CSMD1: variants seen among roughly 807,000 people sequenced by gnomAD.
CSMD1 encodes CUB and sushi domain-containing protein 1.
In CSMD1, 213 loss-of-function variants were observed where a neutral mutation model predicts 417.5. The ratio of observed to expected loss-of-function variants is 0.51; its 90% CI spans 0.46 to 0.57. The LOEUF (loss-of-function observed/expected upper bound fraction) is 0.57, where lower values mean the gene tolerates loss of function less well. CSMD1 is among the 20% of genes least tolerant of loss of function. The pLI is 0.00. For synonymous variants in CSMD1, 2,862 were observed against 1,736.8 expected (o/e 1.65, Z -16.11); for missense variants, 6,923 against 4,529.7 (o/e 1.53, Z -15.17).
At position 4,601,798 on chromosome 8, in the gene CSMD1, T is replaced by G. The variant is rs141475869; in HGVS notation, c.302+35544A>C. ...TGACCAAATGAAAAGTGAGTAAACT[T>G]GATTTATCCATGTCTGAGCATGTCT... On this transcript the variant is annotated intron_variant, in intron 2 of 69. Coordinates refer to ENST00000635120, the MANE Select transcript of CSMD1 (RefSeq NM_033225.6). 6.0e-3 allele frequency among the ~76,000 whole-genome samples: 918 copies of G among 152,250 alleles called. 9 individuals are homozygous for G. The highest frequency in any genetic ancestry group is 0.021 in the African/African-American group (873 of 41,558).
At chr8:4,682,233 T>C (rs1306829382) in intron 1 of CSMD1, among the ~76,000 whole-genome samples, 3 of 152,106 alleles carry the variant, frequency 2.0e-5, no homozygotes, top group Non-Finnish European at 4.4e-5. Context: ...TTTCACTATG[T>C]TGCCCAGGCT....
chr8:3,844,882 C>T (rs1393640019), intron 5 of CSMD1, among the ~76,000 whole-genome samples: 1 of 152,046 alleles, frequency 6.6e-6, no homozygotes, highest in Admixed American at 6.6e-5. Flanking sequence ...AAAGTTTTTT[C>T]TAAAATTCTT....
intron 7 of CSMD1, among the ~76,000 whole-genome samples, chr8:3,630,521 C>T (rs564887610): frequency 2.0e-5 from 3 of 152,148 alleles, no homozygotes; most frequent in Non-Finnish European, 4.4e-5. Context: ...AACAGTTCAT[C>T]GTCGCTACTC....
At chr8:4,130,445 T>C (rs535489329) in intron 3 of CSMD1, among the ~76,000 whole-genome samples, 3 of 152,152 alleles carry the variant, frequency 2.0e-5, no homozygotes, top group Non-Finnish European at 2.9e-5. Flanking sequence ...AGTGCAAAAA[T>C]TTCTGGTTCT....
intron 5 of CSMD1, among the ~76,000 whole-genome samples, chr8:3,865,696 G>A (rs576860032): frequency 6.6e-6 from 1 of 152,204 alleles, no homozygotes; most frequent in Non-Finnish European, 1.5e-5. Flanking sequence ...AGGTTCCAAC[G>A]GAGCAGTAAA....
At chr8:4,465,539 CTCTCAGAATGGAAG>C (rs1800114200) in intron 2 of CSMD1, among the ~76,000 whole-genome samples, 1 of 152,172 alleles carries the variant, frequency 6.6e-6, no homozygotes, top group African/African-American at 2.4e-5. Context: ...TACAACTCCA[CTCTCAGAATGGAAG>C]TCAAGTAAAG....
At chr8:3,469,099 G>A (rs1816941782) in intron 11 of CSMD1, 1 of 281,862 alleles carries the variant, frequency 3.5e-6, no homozygotes, top group Non-Finnish European at 6.7e-6. Context: ...CCATTTTCCT[G>A]GAACCGAGAG....
chr8:3,449,058 T>C (rs1406949415), intron 12 of CSMD1, among the ~76,000 whole-genome samples: 1 of 152,268 alleles, frequency 6.6e-6, no homozygotes, highest in African/African-American at 2.4e-5. Flanking sequence ...TGGGAAAGGA[T>C]CACATGAAAA....
chr8:3,449,365 T>C (rs1815539046), intron 12 of CSMD1, among the ~76,000 whole-genome samples: 1 of 152,194 alleles, frequency 6.6e-6, no homozygotes, highest in South Asian at 2.1e-4. Flanking sequence ...CCCTCTGTTA[T>C]GTGACAATGT....
At chr8:3,668,043 C>G (rs541858463) in intron 7 of CSMD1, among the ~76,000 whole-genome samples, 1 of 152,134 alleles carries the variant, frequency 6.6e-6, no homozygotes, top group Non-Finnish European at 1.5e-5. Flanking sequence ...AGTCCCCATC[C>G]CAAGGATGAG....
At chr8:3,895,491 G>A (rs1190342765) in intron 5 of CSMD1, among the ~76,000 whole-genome samples, 1 of 151,942 alleles carries the variant, frequency 6.6e-6, no homozygotes, top group African/African-American at 2.4e-5. Flanking sequence ...ATATTATTAG[G>A]CCTATTATCA....
intron 1 of CSMD1, among the ~76,000 whole-genome samples, chr8:4,791,939 G>A (rs577760385): frequency 6.8e-6 from 1 of 147,008 alleles, no homozygotes; most frequent in Non-Finnish European, 1.5e-5. Context: ...CTTTATGTTA[G>A]TTTTCCTTTT....
chr8:4,158,644 G>A (rs926032743), intron 3 of CSMD1, among the ~76,000 whole-genome samples: 2 of 152,108 alleles, frequency 1.3e-5, no homozygotes, highest in African/African-American at 4.8e-5. Context: ...CGTTGCTGGT[G>A]GTAGTGGAAG....
chr8:3,763,572 C>T (rs776164401), intron 5 of CSMD1, among the ~76,000 whole-genome samples: 18 of 152,236 alleles, frequency 1.2e-4, no homozygotes, highest in Non-Finnish European at 2.4e-4. Context: ...GTGCTAGCCC[C>T]GTTTGGTACA....
intron 1 of CSMD1, among the ~76,000 whole-genome samples, chr8:4,912,418 C>T (rs1470389534): frequency 1.3e-5 from 2 of 151,140 alleles, no homozygotes; most frequent in Non-Finnish European, 2.9e-5. Context: ...TAGATCAATG[C>T]CATTGCAGAA....
chr8:4,724,730 C>T (rs942911821), intron 1 of CSMD1, among the ~76,000 whole-genome samples: 16 of 151,954 alleles, frequency 1.1e-4, no homozygotes, highest in African/African-American at 3.6e-4. Flanking sequence ...GATTAATCAA[C>T]GATTAGCTCT....
intron 12 of CSMD1, among the ~76,000 whole-genome samples, chr8:3,410,446 G>A (rs1361623710): frequency 6.6e-6 from 1 of 152,124 alleles, no homozygotes; most frequent in African/African-American, 2.4e-5. Flanking sequence ...AATTGATCAT[G>A]GGGGCAGGTC....
At chr8:4,210,248 G>A (rs1461519616) in intron 3 of CSMD1, among the ~76,000 whole-genome samples, 3 of 152,206 alleles carry the variant, frequency 2.0e-5, no homozygotes, top group African/African-American at 7.2e-5. Context: ...AGGAGGGGCA[G>A]AGGACTGCTC....
chr8:4,070,366 A>T (rs967840210), intron 3 of CSMD1, among the ~76,000 whole-genome samples: 3 of 152,062 alleles, frequency 2.0e-5, no homozygotes, highest in African/African-American at 7.2e-5. Context: ...TTTACCACCT[A>T]TAATGTTTTG....
Sources: gnomAD v4.1 joint callset for allele counts (sites outside exome capture counted in the v4.1 genomes callset) on GRCh38, gnomAD v4.1.1 for gene constraint, MANE v1.5 for transcripts, NCBI Gene and HGNC (gene_info 2026-07-23, HGNC 2026-07-21) for gene names.